TM7SF3: variants seen among roughly 807,000 people sequenced by gnomAD.
TM7SF3 encodes the protein transmembrane 7 superfamily member 3, also known as seven span transmembrane protein.
Under a neutral mutation model 65.5 loss-of-function variants are expected in TM7SF3, and 60 were observed. That is an observed-to-expected ratio of 0.92 (90% confidence interval 0.74 to 1.14). The LOEUF is 1.14. TM7SF3 is among the 50% of genes most tolerant of loss of function. The pLI, the probability that TM7SF3 is intolerant of heterozygous loss-of-function variation, is 0.00. For missense variants in TM7SF3, 623 were observed against 684.8 expected (o/e 0.91, Z 1.01); for synonymous variants, 264 against 259.6 (o/e 1.02, Z -0.16).
At chr12:27,003,808 A>G (rs1220920080) in intron 1 of TM7SF3, among the ~76,000 whole-genome samples, 1 of 152,246 alleles carries the variant, frequency 6.6e-6, no homozygotes, top group African/African-American at 2.4e-5. Flanking sequence ...AAGTCAGCGT[A>G]GCCCGAAGAG....
At position 26,990,557 on chromosome 12, in the gene TM7SF3, T is replaced by C. The variant is rs1157148292; in HGVS notation, c.761A>G (p.Tyr254Cys). The C allele has an allele frequency of 1.4e-5, 22 of 1,614,020 alleles. No individual in the cohort carries two copies. Among genetic ancestry groups the C allele is most frequent in the Non-Finnish European group, 1.9e-5 (22 of 1,179,872 alleles). Residue 254 changes from tyrosine to cysteine, a missense_variant, in exon 6 of 12, where the codon TAC becomes TGC. Coordinates refer to ENST00000343028, the MANE Select transcript of TM7SF3 (RefSeq NM_016551.3). The stretch of plus-strand genomic sequence containing the variant: ...AAACGGGTCCCAAACAATGACATTG[T>C]ATATGACACCTTGTCCCGGGAGGGA... ...FSSLPGQGVI[Y>C]NVIVWDPFLN...
chr12:26,976,099 A>C (rs1435949705), intron 10 of TM7SF3, among the ~76,000 whole-genome samples, 161 bp downstream of exon 10: 1 of 152,254 alleles, frequency 6.6e-6, no homozygotes, highest in East Asian at 1.9e-4. Flanking sequence ...TCATAAATAG[A>C]ACTTCGTTTT....
In TM7SF3 at chr12:26,977,766, A is replaced by ATG. The variant is rs10608992; in HGVS notation, c.1190-1411_1190-1410dup. Among the ~76,000 whole-genome samples, 484 of 148,548 alleles carry ATG rather than the reference A, an allele frequency of 3.3e-3. 7 individuals are homozygous for ATG. The highest frequency in any genetic ancestry group is 0.01 in the African/African-American group (411 of 40,204). On this transcript the variant is annotated intron_variant, in intron 9 of 11. Coordinates refer to ENST00000343028, the MANE Select transcript of TM7SF3 (RefSeq NM_016551.3). ...GAGACTCCGTCTCAGGAAAAAAATA[A>ATG]TGTGTGTGTGTGTGTGTGTGTGTGT...
At chr12:27,005,974 A>G (rs1271751616) in intron 1 of TM7SF3, among the ~76,000 whole-genome samples, 1 of 141,962 alleles carries the variant, frequency 7.0e-6, no homozygotes, top group Admixed American at 7.2e-5. Flanking sequence ...TAATTTTTGT[A>G]TTTTTAGTAG....
chr12:26,990,702 G>A (rs1357535808), intron 5 of TM7SF3, 75 bp from the exon 6 acceptor site: 1 of 1,090,682 alleles, frequency 9.2e-7, no homozygotes, highest in Non-Finnish European at 1.3e-6. Context: ...CCACCTACGT[G>A]TAATATTAAA....
chr12:27,014,181 CGGGCTGGGCCCACGCCA>C lies in TM7SF3; in HGVS notation c.-30_-14del. On this transcript the variant is annotated 5_prime_UTR_variant, in exon 1 of 12. Transcript: ENST00000343028. ...GCAGGAACCCCATTGCTGCCTGGGCCGGGCTGGGCCCACGCCAGGGCTGGGGAGAGGTGCGGGCGTGC... is the reference window on the plus strand; with the variant it reads ...GCAGGAACCCCATTGCTGCCTGGGCCGGGCTGGGGAGAGGTGCGGGCGTGC... The C allele has an allele frequency of 6.4e-7, 1 of 1,552,522 alleles. No individual in the cohort carries two copies. Among genetic ancestry groups the C allele is most frequent in the Non-Finnish European group, 8.7e-7 (1 of 1,147,786 alleles).
In TM7SF3 at chr12:27,011,257, C is replaced by G. The variant is rs1481655745; in HGVS notation, c.91+2821G>C. 2.0e-5 allele frequency among the ~76,000 whole-genome samples: 3 copies of G among 152,212 alleles called. No homozygotes were observed. The East Asian group carries it at 5.8e-4, about 29-fold the overall frequency. The stretch of plus-strand genomic sequence containing the variant: ...TACCTTGGTAAAGCATCATCAATAG[C>G]AAGAAGACTGAAAGGCCCAAATGAT... On this transcript the variant is annotated intron_variant, in intron 1 of 11. Coordinates refer to ENST00000343028, the MANE Select transcript of TM7SF3 (RefSeq NM_016551.3).
Position 27,014,269 on chromosome 12 carries a change from C to T in TM7SF3, c.-101G>A. 3.9e-6 allele frequency: 4 copies of T among 1,020,444 alleles called. No individual in the cohort carries two copies. Among genetic ancestry groups the T allele is most frequent in the Non-Finnish European group, 5.4e-6 (4 of 741,036 alleles). The allele number at this position is 1,020,444 out of a possible 1,614,324, so 63.2% of individuals were successfully genotyped here. On this transcript the variant is annotated 5_prime_UTR_variant, in exon 1 of 12. It removes an upstream start codon present in the reference 5' UTR. Coordinates refer to ENST00000343028, the MANE Select transcript of TM7SF3 (RefSeq NM_016551.3). ...CGCCCACGCTATCCCGGGGCGCCCG[C>T]ATCGGGCGCCATCGCCCGCCAGGTG...
At chr12:27,010,338 A>C (rs1437186763) in intron 1 of TM7SF3, among the ~76,000 whole-genome samples, 1 of 152,242 alleles carries the variant, frequency 6.6e-6, no homozygotes, top group African/African-American at 2.4e-5. Flanking sequence ...CCTACGAAAA[A>C]ATTAGTGGGA....
At chr12:27,008,063 T>C (rs1273488218) in intron 1 of TM7SF3, among the ~76,000 whole-genome samples, 1 of 152,180 alleles carries the variant, frequency 6.6e-6, no homozygotes, top group Non-Finnish European at 1.5e-5. Flanking sequence ...ACATTTTTGT[T>C]GGGTGGAACC....
chr12:26,999,934 A>G, intron 2 of TM7SF3: 1 of 392,092 alleles, frequency 2.6e-6, no homozygotes, highest in South Asian at 4.0e-5. Context: ...AGGTGGTTAT[A>G]AACAACAGAA....
chr12:26,999,192 C>T (rs1411098758), intron 3 of TM7SF3, among the ~76,000 whole-genome samples: 2 of 151,928 alleles, frequency 1.3e-5, no homozygotes, highest in Non-Finnish European at 1.5e-5. Context: ...GTCAGGAGTT[C>T]GAGACCAGCC....
At chr12:26,989,540 GAA>G (rs1372251533) in intron 6 of TM7SF3, among the ~76,000 whole-genome samples, 1 of 151,556 alleles carries the variant, frequency 6.6e-6, no homozygotes, top group African/African-American at 2.4e-5. Context: ...AGAGAGAGAA[GAA>G]GAGAGAATGA....
intron 1 of TM7SF3, 116 bp downstream of exon 1, chr12:27,013,962 T>C: frequency 2.3e-6 from 2 of 868,814 alleles, no homozygotes; most frequent in Admixed American, 4.0e-5. Flanking sequence ...ACCCAGCGTG[T>C]ACCAACGCCC....
At chr12:26,979,746 C>CACTCGAACACACAAAACATCT (rs1373505979) in intron 9 of TM7SF3, 38 bp downstream of exon 9, 5 of 1,603,238 alleles carry the variant, frequency 3.1e-6, no homozygotes, top group Non-Finnish European at 4.3e-6. Flanking sequence ...TTCAAACAGT[C>CACTCGAACACACAAAACATCT]ACTCGAACAC....
intron 2 of TM7SF3, among the ~76,000 whole-genome samples, chr12:27,001,321 G>T (rs1054672570): frequency 1.3e-5 from 2 of 152,198 alleles, no homozygotes; most frequent in African/African-American, 4.8e-5. Flanking sequence ...CCAAGATGCT[G>T]CCAGCTAGGT....
At chr12:26,980,694 T>C (rs1233135352) in intron 7 of TM7SF3, 48 bp from the exon 8 acceptor site, 1 of 970,326 alleles carries the variant, frequency 1.0e-6, no homozygotes, top group Non-Finnish European at 1.6e-6. Flanking sequence ...CAACAAAAGC[T>C]ATGGTTAAGC....
chr12:26,975,472 G>A (rs765473208), intron 11 of TM7SF3, 24 bp downstream of exon 11: 1 of 1,613,492 alleles, frequency 6.2e-7, no homozygotes, highest in Non-Finnish European at 8.5e-7. Flanking sequence ...CTGTCACACT[G>A]GTTTTTGGAT....
rs1183411919 is a variant in TM7SF3 at position 26,974,366 on chromosome 12, T to TC, written c.1451-140dup. On this transcript the variant is annotated intron_variant, in intron 11 of 11. Transcript: ENST00000343028. ...GAGTTAGTCCAAACACATATGTAGT[T>TC]CCTCAGTTACAAACCAAGGAATCAG... 1.8e-5 allele frequency: 16 copies of TC among 897,800 alleles called. No homozygotes were observed. In the African/African-American group the frequency reaches 2.7e-4, roughly 15 times the overall value. 55.6% of individuals were successfully genotyped at this position (897,800 alleles called of 1,614,324 possible).
Sources: gnomAD v4.1 joint callset for allele counts (sites outside exome capture counted in the v4.1 genomes callset) on GRCh38, gnomAD v4.1.1 for gene constraint, MANE v1.5 for transcripts, NCBI Gene and HGNC (gene_info 2026-07-23, HGNC 2026-07-21) for gene names.